The following MEX3A variants were observed in gnomAD, a reference collection of about 807,000 sequenced individuals.
MEX3A encodes mex-3 RNA binding family member A.
MEX3A carries 4 observed loss-of-function variants against 30.0 expected under a neutral mutation model. That is an observed-to-expected ratio of 0.13 (90% CI 0.07 to 0.30). MEX3A has a LOEUF of 0.30. Among genes scored for constraint, MEX3A ranks in the 10% least tolerant of loss-of-function variants. MEX3A has a pLI of 1.00. For missense variants in MEX3A, 555 were observed against 736.7 expected, an observed-to-expected ratio of 0.75 and a Z score of 2.86; for synonymous variants, 335 against 327.6, an observed-to-expected ratio of 1.02 and a Z score of -0.24.
intron 1 of MEX3A, among the ~76,000 whole-genome samples, chr1:156,078,827 G>A (rs1463221957): frequency 6.6e-6 from 1 of 151,934 alleles, no homozygotes; most frequent in Non-Finnish European, 1.5e-5. Context: ...AATACTTATG[G>A]GGCCAATCTA....
At position 156,077,339 on chromosome 1, in the gene MEX3A, G is replaced by C. The variant is rs1648107621; in HGVS notation, c.798C>G (p.Pro266=). 1 of 1,613,870 alleles carries C rather than the reference G, an allele frequency of 6.2e-7. No homozygotes were observed. Among genetic ancestry groups the C allele is most frequent in the South Asian group, 1.1e-5 (1 of 91,078 alleles). ...CTGGGGCACCCGTGATCTCGAACAC[G>C]GGGTCGCGGTCACGGCTTGGTGTGA... The part of the protein sequence containing the change: ...YIITPSRDRD[P]VFEITGAPGN... Residue 266 remains proline (P), a synonymous_variant, in exon 2 of 2, where the codon CCC becomes CCG. Coordinates refer to ENST00000532414, the MANE Select transcript of MEX3A (RefSeq NM_001093725.2). This position sits in a 1 kb window ranked among gnomAD's most constrained non-coding sequence, Gnocchi z 8.3.
In MEX3A at chr1:156,082,021, A is replaced by G; in HGVS notation, c.-23T>C. 8.1e-7 allele frequency: 1 copy of G among 1,228,254 alleles called. No homozygotes were observed. Among genetic ancestry groups the G allele is most frequent in the Non-Finnish European group, 1.1e-6 (1 of 939,870 alleles). The allele number at this position is 1,228,254 out of a possible 1,614,324, so 76.1% of individuals were successfully genotyped here. A position where few individuals can be genotyped will look rare whatever the true frequency, so the allele number is the denominator to read the frequency against. On this transcript the variant is annotated 5_prime_UTR_variant, in exon 1 of 2. Coordinates refer to ENST00000532414, the MANE Select transcript of MEX3A (RefSeq NM_001093725.2). ...CATGGCGAAACAAAAGCTGGGGGAG[A>G]GAGAGAGGGAGAGAGAGAGAGAGAG... is the stretch of plus-strand genomic sequence containing the variant.
rs1309466399 is a variant in MEX3A at position 156,076,754 on chromosome 1, C to A, written c.1383G>T (p.Arg461=). The A allele has an allele frequency of 6.3e-7, 1 of 1,599,588 alleles. No homozygotes were observed. Among genetic ancestry groups the A allele is most frequent in the East Asian group, 2.3e-5 (1 of 44,202 alleles). Residue 461 remains arginine (R), a synonymous_variant, in exon 2 of 2, where the codon CGG becomes CGT. Transcript: ENST00000532414. This position sits in a 1 kb window ranked among gnomAD's most constrained non-coding sequence, Gnocchi z 6.0. ...TGCAATCCCGCCCGCCGCCGGGGCTCCGCAGGCCGCCCCCACCAAGTTTAG... is the reference window on the plus strand; with the variant it reads ...TGCAATCCCGCCCGCCGCCGGGGCTACGCAGGCCGCCCCCACCAAGTTTAG... ...GFSKLGGGGL[R]SPGGGRDCMV... is the part of the protein sequence containing the mutation.
chr1:156,079,185 G>T (rs542287799), intron 1 of MEX3A, among the ~76,000 whole-genome samples: 1 of 151,860 alleles, frequency 6.6e-6, no homozygotes, highest in South Asian at 2.1e-4. Context: ...GAGGGGAAGA[G>T]AGTAGGTTGG....
Sources: gnomAD v4.1 joint callset for allele counts (sites outside exome capture counted in the v4.1 genomes callset) on GRCh38, gnomAD v4.1.1 for gene constraint, Gnocchi (gnomAD v3.1) non-coding constraint, MANE v1.5 for transcripts, NCBI Gene and HGNC (gene_info 2026-07-23, HGNC 2026-07-21) for gene names.